The following PPP1CC variants were observed in gnomAD, a reference collection of about 807,000 sequenced individuals.
The protein encoded by PPP1CC is protein phosphatase 1 catalytic subunit gamma.
In PPP1CC, 16 loss-of-function variants were observed where a neutral mutation model predicts 38.4. That is an observed-to-expected ratio of 0.42 (90% CI 0.28 to 0.63). The LOEUF (loss-of-function observed/expected upper bound fraction) is 0.63. Ranked by LOEUF, PPP1CC falls within the 30% of genes least tolerant of loss-of-function variation. The probability of loss-of-function intolerance (pLI) is 0.25; values close to 1 mark genes in which losing one functional copy is unlikely to be tolerated. For missense variants in PPP1CC, 170 were observed against 391.3 expected (o/e 0.43, Z 4.77); for synonymous variants, 158 against 136.0 (o/e 1.16, Z -1.13).
intron 6 of PPP1CC, chr12:110,721,379 T>C: frequency 2.3e-6 from 1 of 434,000 alleles, no homozygotes; most frequent in Non-Finnish European, 4.2e-6. Context: ...TCTGGACAAA[T>C]TATTTTGCCT....
chr12:110,720,450 G>C lies in PPP1CC; in HGVS notation c.*626C>G, dbSNP rs2069725417. ...AGAGTCACAAATATTTAAAAGAATG[G>C]CTTTGTCATTTTAAGTATACGGTCG... On this transcript the variant is annotated 3_prime_UTR_variant, in exon 7 of 7. Transcript: ENST00000335007. The C allele has an allele frequency of 2.2e-6, 1 of 452,532 alleles. No individual in the cohort carries two copies. Among genetic ancestry groups the C allele is most frequent in the Admixed American group, 3.9e-5 (1 of 25,920 alleles). 28.0% of individuals were successfully genotyped at this position (452,532 alleles called of 1,614,324 possible).
intron 4 of PPP1CC, among the ~76,000 whole-genome samples, chr12:110,723,117 C>G (rs1310823926): frequency 1.3e-5 from 2 of 152,202 alleles, no homozygotes; most frequent in Non-Finnish European, 2.9e-5. Flanking sequence ...GCACTGTTCA[C>G]AGACCATTAA....
the PPP1CC span, among the ~76,000 whole-genome samples, chr12:110,714,359 G>A: frequency 6.6e-6 from 1 of 152,038 alleles, no homozygotes. Context: ...TCTAAGCCAA[G>A]CTAGTGAGTA....
At chr12:110,730,453 C>CAGA in intron 3 of PPP1CC, 76 bp downstream of exon 3, 1 of 1,138,660 alleles carries the variant, frequency 8.8e-7, no homozygotes, top group East Asian at 2.4e-5. Flanking sequence ...CAATTCCTAA[C>CAGA]AGAAGTATGT....
chr12:110,742,620 C>G, intron 1 of PPP1CC, 33 bp downstream of exon 1: 2 of 1,407,858 alleles, frequency 1.4e-6, no homozygotes, highest in Non-Finnish European at 1.9e-6. Context: ...CTCAGGCCCG[C>G]CTCCCCCTTC....
At position 110,722,808 on chromosome 12, in the gene PPP1CC, T is replaced by A; in HGVS notation, c.524-113A>T. The A allele has an allele frequency of 1.3e-6, 1 of 767,560 alleles. No individual in the cohort carries two copies. 47.5% of individuals were successfully genotyped at this position (767,560 alleles called of 1,614,324 possible). ...AATTCAATAATCCTGACATAAAAAC[T>A]GAAATCTATGATTATATTTTATTTA... is the stretch of plus-strand genomic sequence containing the variant. On this transcript the variant is annotated intron_variant, in intron 4 of 6. Coordinates refer to ENST00000335007, the MANE Select transcript of PPP1CC (RefSeq NM_002710.4). The surrounding 1 kb of genome is among the most constrained non-coding windows in gnomAD (Gnocchi z 5.4).
Position 110,724,773 on chromosome 12 carries a change from A to G in PPP1CC, c.419-9T>C. On this transcript the variant is annotated splice_polypyrimidine_tract_variant and intron_variant, in intron 3 of 6. Coordinates refer to ENST00000335007, the MANE Select transcript of PPP1CC (RefSeq NM_002710.4). ...GTTGTATCTTCTTTTACCTGTGATTAAAAAGAGAGTATTACATTAAAAAGA... is the reference window on the plus strand; with the variant it reads ...GTTGTATCTTCTTTTACCTGTGATTGAAAAGAGAGTATTACATTAAAAAGA... 1 of 1,469,606 alleles carries G rather than the reference A, an allele frequency of 6.8e-7. No individual in the cohort carries two copies. Among genetic ancestry groups the G allele is most frequent in the Non-Finnish European group, 9.5e-7 (1 of 1,049,160 alleles). The allele number at this position is 1,469,606 out of a possible 1,614,324, so 91.0% of individuals were successfully genotyped here.
Position 110,722,392 on chromosome 12 carries a change from C to T in PPP1CC, c.747+80G>A. On this transcript the variant is annotated intron_variant, in intron 5 of 6. Coordinates refer to ENST00000335007, the MANE Select transcript of PPP1CC (RefSeq NM_002710.4). This position sits in a 1 kb window ranked among gnomAD's most constrained non-coding sequence, Gnocchi z 5.4. Reference sequence around the variant, plus strand: ...AAACACTTTGTATAAATAAGCAATACCTACCCACCAAAATCAACAAGGAGA... The same window carrying T: ...AAACACTTTGTATAAATAAGCAATATCTACCCACCAAAATCAACAAGGAGA... 3.2e-6 allele frequency: 5 copies of T among 1,564,252 alleles called. No individual in the cohort carries two copies. The highest frequency in any genetic ancestry group is 1.1e-5 in the South Asian group (1 of 89,464).
chr12:110,742,061 A>G (rs1464830855), intron 1 of PPP1CC, among the ~76,000 whole-genome samples: 1 of 152,004 alleles, frequency 6.6e-6, no homozygotes. Context: ...ACTTAAAAGG[A>G]TTTGGAGGGC....
chr12:110,728,697 T>G (rs1566084732), intron 3 of PPP1CC, among the ~76,000 whole-genome samples: 1 of 152,214 alleles, frequency 6.6e-6, no homozygotes, highest in Non-Finnish European at 1.5e-5. Flanking sequence ...TGACACAGAA[T>G]CACTGTTAAT....
In PPP1CC at chr12:110,737,497, A is replaced by G. The variant is rs796799454; in HGVS notation, c.55+5156T>C. On this transcript the variant is annotated intron_variant, in intron 1 of 6. Transcript: ENST00000335007. ...AGACTCAAAAAAAAAAAAAAAAAAA[A>G]AAAAGAAAAGAAAAGAAAAAAGAAC... Among the ~76,000 whole-genome samples the G allele has an allele frequency of 1.6e-3, 235 of 147,592 alleles. 1 individual carries two copies. The highest frequency in any genetic ancestry group is 5.3e-3 in the African/African-American group (207 of 38,728).
At chr12:110,721,947 G>A in intron 6 of PPP1CC, 188 bp downstream of exon 6, 1 of 571,430 alleles carries the variant, frequency 1.7e-6, no homozygotes, top group Non-Finnish European at 2.8e-6. Flanking sequence ...GGGAAAAGGT[G>A]CCATAATTAA....
chr12:110,733,324 A>G (rs1428819064), intron 1 of PPP1CC, among the ~76,000 whole-genome samples: 1 of 152,218 alleles, frequency 6.6e-6, no homozygotes, highest in African/African-American at 2.4e-5. Context: ...TTTTTTCAGC[A>G]GAGTCCCACA....
intron 6 of PPP1CC, chr12:110,721,805 TA>T: frequency 2.6e-6 from 1 of 380,370 alleles, no homozygotes; most frequent in Non-Finnish European, 4.7e-6. Context: ...AGGCACTCAG[TA>T]CTTTTCACAT....
In PPP1CC at chr12:110,727,230, C is replaced by T. The variant is rs951283799; in HGVS notation, c.419-2466G>A. Among the ~76,000 whole-genome samples the T allele has an allele frequency of 5.9e-5, 9 of 152,188 alleles. No individual in the cohort carries two copies. In the East Asian group the frequency reaches 1.2e-3, roughly 20 times the overall value. On this transcript the variant is annotated intron_variant, in intron 3 of 6. Coordinates refer to ENST00000335007, the MANE Select transcript of PPP1CC (RefSeq NM_002710.4). ...CCTCCCAAAGTGCTGGGATTACAGG[C>T]GTGAGCTACCACGCCCCGGCTTTGA...
chr12:110,715,559 T>A (rs1008010451), downstream of PPP1CC, among the ~76,000 whole-genome samples: 14 of 151,992 alleles, frequency 9.2e-5, 1 homozygote, highest in African/African-American at 3.4e-4. Context: ...AAAATTTAAT[T>A]GATACCATTT....
the PPP1CC span, among the ~76,000 whole-genome samples, chr12:110,708,993 C>T: frequency 6.6e-6 from 1 of 152,028 alleles, no homozygotes; most frequent in Non-Finnish European, 1.5e-5. Context: ...ATTCAGGCCG[C>T]AGAGAATCCC....
chr12:110,714,515 T>C, the PPP1CC span, among the ~76,000 whole-genome samples: 29 of 151,942 alleles, frequency 1.9e-4, no homozygotes, highest in African/African-American at 6.3e-4. Context: ...ATATGTGGTG[T>C]TTGTAGGTCA....
At chr12:110,728,924 C>T (rs2069839940) in intron 3 of PPP1CC, among the ~76,000 whole-genome samples, 1 of 152,152 alleles carries the variant, frequency 6.6e-6, no homozygotes, top group Non-Finnish European at 1.5e-5. Flanking sequence ...GCTAGCTCAA[C>T]ATATCTATGT....
Sources: allele counts gnomAD v4.1 joint callset (sites outside exome capture counted in the v4.1 genomes callset), GRCh38; gene constraint gnomAD v4.1.1; non-coding constraint Gnocchi (gnomAD v3.1); transcripts MANE v1.5; gene names NCBI Gene and HGNC (gene_info 2026-07-23, HGNC 2026-07-21).